VWF: variants seen among roughly 807,000 people sequenced by gnomAD.
VWF encodes Factor VIII related antigen.
VWF carries 176 observed loss-of-function variants against 308.6 expected under a neutral mutation model. The observed-to-expected ratio is 0.57, with a 90% CI of 0.50 to 0.65. VWF has a LOEUF of 0.65. Among genes scored for constraint, VWF ranks in the 30% least tolerant of loss-of-function variants. The pLI is 0.00. For missense variants in VWF, 3,146 were observed against 3,648.2 expected (o/e 0.86, Z 3.55); for synonymous variants, 1,385 against 1,443.4 (o/e 0.96, Z 0.92).
chr12:6,110,471 G>A lies in VWF; in HGVS notation c.435C>T (p.Asn145=), dbSNP rs1591924311. The A allele has an allele frequency of 6.2e-7, 1 of 1,614,186 alleles. No individual in the cohort carries two copies. Among genetic ancestry groups the A allele is most frequent in the Non-Finnish European group, 8.5e-7 (1 of 1,180,046 alleles). Reference sequence around the variant, plus strand: ...ATCTGTCTGACAGCAGGACTTGAAAGTTGCCGCTGCCATCGATCCTGGCCA... The same window carrying A: ...ATCTGTCTGACAGCAGGACTTGAAAATTGCCGCTGCCATCGATCCTGGCCA... ...GFVARIDGSG[N]FQVLLSDRYF... The change falls in exon 5 of 52, where the codon AAC becomes AAT. Residue 145 remains asparagine, a synonymous_variant. Coordinates refer to ENST00000261405, the MANE Select transcript of VWF (RefSeq NM_000552.5).
intron 5 of VWF, among the ~76,000 whole-genome samples, chr12:6,107,528 C>G (rs991155157): frequency 2.0e-5 from 3 of 152,124 alleles, no homozygotes; most frequent in African/African-American, 7.2e-5. Flanking sequence ...GAAAAAGATA[C>G]ATCAAACAAA....
At chr12:5,968,272 C>A in intron 45 of VWF, 105 bp from the exon 46 acceptor site, 1 of 1,424,752 alleles carries the variant, frequency 7.0e-7, no homozygotes, top group Non-Finnish European at 9.7e-7. Flanking sequence ...CTGGGCCTCC[C>A]TCCTGTATCG....
At chr12:5,970,318 G>A (rs1943458184) in intron 44 of VWF, among the ~76,000 whole-genome samples, 1 of 152,124 alleles carries the variant, frequency 6.6e-6, no homozygotes, top group Admixed American at 6.6e-5. Context: ...AAGTCTTTTA[G>A]GTAAGATGGA....
At chr12:6,086,668 C>T (rs1380325719) in intron 6 of VWF, among the ~76,000 whole-genome samples, 5 of 152,184 alleles carry the variant, frequency 3.3e-5, no homozygotes, top group Admixed American at 2.6e-4. Flanking sequence ...GACAGTGAGA[C>T]CCAAGTCCGC....
intron 6 of VWF, among the ~76,000 whole-genome samples, chr12:6,087,375 T>C: frequency 6.7e-6 from 1 of 148,970 alleles, no homozygotes; most frequent in Non-Finnish European, 1.5e-5. Flanking sequence ...TTTTTTTTTT[T>C]TGAGACAGAG....
Position 6,092,612 on chromosome 12 carries a change from AGTGAGAGTGTGTGT to A in VWF, c.657+2834_657+2847del, listed in dbSNP as rs1280524969. 4.8e-4 allele frequency among the ~76,000 whole-genome samples: 34 copies of A among 70,490 alleles called. 1 individual carries two copies. The East Asian group carries it at 0.01, about 21-fold the overall frequency. 46.2% of individuals were successfully genotyped at this position (70,490 alleles called of 152,430 possible). On this transcript the variant is annotated intron_variant, in intron 6 of 51. Transcript: ENST00000261405. ...ACCATGCCCAGCTAGTTAGTGAGTG[AGTGAGAGTGTGTGT>A]GTGTGTGTGTGTGTGTGTGTGTGTG...
chr12:5,967,712 C>A (rs546168178), intron 46 of VWF, 110 bp from the exon 47 acceptor site: 5 of 955,766 alleles, frequency 5.2e-6, no homozygotes, highest in Non-Finnish European at 8.4e-6. Context: ...CATGAGCCAT[C>A]GCTCTGCTGC....
intron 1 of VWF, among the ~76,000 whole-genome samples, chr12:6,123,427 C>T (rs1006583975): frequency 6.6e-6 from 1 of 152,172 alleles, no homozygotes; most frequent in East Asian, 1.9e-4. Flanking sequence ...CCTGTGGGCA[C>T]CTTTCCACAG....
intron 34 of VWF, among the ~76,000 whole-genome samples, chr12:6,006,103 A>G (rs1404200179): frequency 6.6e-6 from 1 of 152,238 alleles, no homozygotes; most frequent in African/African-American, 2.4e-5. Context: ...TGTGACATCA[A>G]TAATGTAAAG....
chr12:5,952,646 T>C (rs1943205096), intron 48 of VWF, 127 bp from the exon 49 acceptor site: 4 of 1,319,730 alleles, frequency 3.0e-6, no homozygotes, highest in Admixed American at 2.0e-5. Context: ...GAAGACAGTG[T>C]ATAATAAAGC....
chr12:6,019,487 G>C lies in VWF; in HGVS notation c.3931C>G (p.Gln1311Glu). 6.2e-7 allele frequency: 1 copy of C among 1,613,858 alleles called. No individual in the cohort carries two copies. The highest frequency in any genetic ancestry group is 8.5e-7 in the Non-Finnish European group (1 of 1,179,832). ...ACCACGGCCACGCGGACCCACTTCTGGGAGATGCGCAGCCGCTCCATCATG... is the reference window on the plus strand; with the variant it reads ...ACCACGGCCACGCGGACCCACTTCTCGGAGATGCGCAGCCGCTCCATCATG... ...VDMMERLRIS[Q>E]KWVRVAVVEY... Residue 1311 changes from glutamine (Q) to glutamate (E), a missense_variant, in exon 28 of 52, where the codon CAG (glutamine) becomes GAG (glutamate). This residue lies in a region of VWF where 853 missense variants were observed against 1,177.8 expected (regional missense o/e 0.72). Coordinates refer to ENST00000261405, the MANE Select transcript of VWF (RefSeq NM_000552.5). The surrounding 1 kb of genome is among the most constrained non-coding windows in gnomAD (Gnocchi z 5.8).
chr12:5,955,650 C>A (rs1420556624), intron 47 of VWF, among the ~76,000 whole-genome samples: 1 of 152,054 alleles, frequency 6.6e-6, no homozygotes, highest in Non-Finnish European at 1.5e-5. Context: ...CAAGTCTTTG[C>A]TATTGTGACT....
intron 25 of VWF, 113 bp downstream of exon 25, chr12:6,023,518 C>T (rs1288589597): frequency 2.0e-6 from 3 of 1,501,262 alleles, no homozygotes; most frequent in Admixed American, 3.9e-5. Flanking sequence ...TCCCTACTAA[C>T]ACTCTGTCTT....
At chr12:5,964,211 T>C (rs562177429) in intron 47 of VWF, among the ~76,000 whole-genome samples, 22 of 114,954 alleles carry the variant, frequency 1.9e-4, no homozygotes, top group African/African-American at 8.3e-4. Context: ...AGAGAGACTC[T>C]GTCTAAAAAT....
At chr12:6,093,584 G>A (rs1407984160) in intron 6 of VWF, among the ~76,000 whole-genome samples, 1 of 152,158 alleles carries the variant, frequency 6.6e-6, no homozygotes, top group East Asian at 1.9e-4. Context: ...CACCACCAAG[G>A]AACCTTGCTC....
intron 34 of VWF, among the ~76,000 whole-genome samples, chr12:6,005,677 C>A (rs1427275034): frequency 6.6e-6 from 1 of 152,194 alleles, no homozygotes; most frequent in African/African-American, 2.4e-5. Context: ...CAACAAATTT[C>A]TCAGCAGAAA....
intron 18 of VWF, among the ~76,000 whole-genome samples, chr12:6,041,858 T>A (rs1385644681): frequency 6.6e-6 from 1 of 152,220 alleles, no homozygotes; most frequent in African/African-American, 2.4e-5. Context: ...CACAGCAGGC[T>A]GGAAATCTAA....
intron 10 of VWF, 42 bp from the exon 11 acceptor site, chr12:6,065,315 G>A (rs762428677): frequency 6.9e-6 from 11 of 1,601,064 alleles, no homozygotes; most frequent in Non-Finnish European, 8.6e-6. Flanking sequence ...GGAGGTGAGG[G>A]CACTTCCCCT....
chr12:6,003,313 G>C (rs1943892166), intron 34 of VWF, among the ~76,000 whole-genome samples: 1 of 152,134 alleles, frequency 6.6e-6, no homozygotes, highest in South Asian at 2.1e-4. Flanking sequence ...TAATGTTTAT[G>C]ACATCAATAA....
Sources: allele counts gnomAD v4.1 joint callset (sites outside exome capture counted in the v4.1 genomes callset), GRCh38; gene constraint gnomAD v4.1.1; regional missense constraint gnomAD v4.1.1; non-coding constraint Gnocchi (gnomAD v3.1); transcripts MANE v1.5; gene names NCBI Gene and HGNC (gene_info 2026-07-23, HGNC 2026-07-21).